Variants in PCDH15 observed in about 807,000 individuals in gnomAD.
PCDH15 encodes protocadherin-15.
A neutral mutation model predicts 178.5 loss-of-function variants in PCDH15; 129 were observed. The observed-to-expected ratio is 0.72, with a 90% CI of 0.63 to 0.84. PCDH15 has a LOEUF of 0.84. PCDH15 is among the 40% of genes least tolerant of loss of function. The pLI is 0.00. For missense variants in PCDH15, 2,230 were observed against 2,099.9 expected (o/e 1.06, Z -1.21); for synonymous variants, 800 against 732.0 (o/e 1.09, Z -1.50).
At chr10:53,828,266 A>G (rs1455482783) in intron 31 of PCDH15, among the ~76,000 whole-genome samples, 1 of 147,062 alleles carries the variant, frequency 6.8e-6, no homozygotes, top group East Asian at 2.0e-4. Context: ...TGTGATTCTC[A>G]TGTTACAGCT....
At chr10:55,421,879 C>T (rs900579633) in intron 2 of PCDH15, among the ~76,000 whole-genome samples, 12 of 151,540 alleles carry the variant, frequency 7.9e-5, no homozygotes, top group Admixed American at 7.2e-4. Context: ...GATTTTCTTC[C>T]TATATGCACA....
chr10:54,242,086 C>G (rs189985432), intron 8 of PCDH15, among the ~76,000 whole-genome samples: 192 of 133,122 alleles, frequency 1.4e-3, no homozygotes, highest in Admixed American at 2.4e-3. Flanking sequence ...CTCATGAAAC[C>G]TCACTACCAG....
intron 2 of PCDH15, among the ~76,000 whole-genome samples, chr10:55,454,376 G>A (rs1395113387): frequency 1.3e-5 from 2 of 151,724 alleles, no homozygotes; most frequent in Non-Finnish European, 2.9e-5. Context: ...CAATTTAAAG[G>A]GGATTACAGT....
intron 2 of PCDH15, among the ~76,000 whole-genome samples, chr10:54,649,435 C>T (rs1009939417): frequency 1.3e-5 from 2 of 152,004 alleles, no homozygotes; most frequent in Non-Finnish European, 2.9e-5. Flanking sequence ...TCCAGAAGAC[C>T]ATGTGTGGAC....
At position 54,527,864 on chromosome 10, in the gene PCDH15, A is replaced by G; in HGVS notation, c.105T>C (p.Ala35=). The change falls in exon 3 of 38, where the codon GCT becomes GCC. Residue 35 remains alanine, a synonymous_variant. Transcript: ENST00000644397. The part of the protein sequence containing the change: ...LGQYDDDCKL[A]RGGPPATIVA... ...CTATGGTAGCTGGTGGTCCTCCCCT[A>G]GCTAGTTTGCAATCTAAAGAGAGAA... The G allele has an allele frequency of 1.9e-6, 3 of 1,612,336 alleles. No homozygotes were observed. The highest frequency in any genetic ancestry group is 2.5e-6 in the Non-Finnish European group (3 of 1,178,644).
At chr10:54,725,565 T>TATATGTATAA (rs71014409) in intron 1 of PCDH15, among the ~76,000 whole-genome samples, 17 of 135,912 alleles carry the variant, frequency 1.3e-4, no homozygotes, top group African/African-American at 4.4e-4. Context: ...TATATATATA[T>TATATGTATAA]AATTGGAAAC....
intron 2 of PCDH15, among the ~76,000 whole-genome samples, chr10:55,449,362 A>G (rs1348595856): frequency 6.6e-6 from 1 of 152,028 alleles, no homozygotes; most frequent in Non-Finnish European, 1.5e-5. Context: ...CAGAAACCTA[A>G]GCTGGACAGA....
At chr10:53,826,780 G>A (rs570472423) in intron 32 of PCDH15, among the ~76,000 whole-genome samples, 2 of 151,996 alleles carry the variant, frequency 1.3e-5, no homozygotes, top group African/African-American at 4.8e-5. Flanking sequence ...GGTAATCACC[G>A]CAGTCTGAGA....
At chr10:54,468,729 A>G (rs187065053) in intron 3 of PCDH15, among the ~76,000 whole-genome samples, 80 of 152,294 alleles carry the variant, frequency 5.3e-4, no homozygotes, top group African/African-American at 1.6e-3. Context: ...GATCTGTCCA[A>G]TGCTGACAAT....
At chr10:55,152,667 A>C (rs1838763919) in intron 2 of PCDH15, among the ~76,000 whole-genome samples, 1 of 152,212 alleles carries the variant, frequency 6.6e-6, no homozygotes, top group Non-Finnish European at 1.5e-5. Flanking sequence ...ATGAGAGATG[A>C]TGAGAACTTG....
At chr10:54,913,737 C>T (rs1954857226) in intron 2 of PCDH15, among the ~76,000 whole-genome samples, 1 of 152,156 alleles carries the variant, frequency 6.6e-6, no homozygotes, top group Admixed American at 6.5e-5. Flanking sequence ...GACAGAGCTG[C>T]CCAATTCCTT....
intron 1 of PCDH15, among the ~76,000 whole-genome samples, chr10:55,295,334 A>G (rs1429958264): frequency 1.3e-5 from 2 of 152,228 alleles, no homozygotes; most frequent in Non-Finnish European, 2.9e-5. Flanking sequence ...CACAGCAAGG[A>G]TTCTTCCTTG....
At chr10:54,265,488 A>T (rs867742465) in intron 8 of PCDH15, among the ~76,000 whole-genome samples, 3,110 of 147,874 alleles carry the variant, frequency 0.021, 95 homozygotes, top group African/African-American at 0.063. Flanking sequence ...ATTGGAATTA[A>T]AAAAAAAAAA....
At chr10:54,055,986 A>G (rs1025266823) in intron 18 of PCDH15, among the ~76,000 whole-genome samples, 1 of 152,190 alleles carries the variant, frequency 6.6e-6, no homozygotes, top group Non-Finnish European at 1.5e-5. Context: ...TTATAATGAG[A>G]CCAGATTCAT....
At chr10:54,402,294 A>T (rs1441033420) in intron 3 of PCDH15, among the ~76,000 whole-genome samples, 1 of 151,996 alleles carries the variant, frequency 6.6e-6, no homozygotes, top group African/African-American at 2.4e-5. Flanking sequence ...GGGAAGAAGA[A>T]GGCAAGATTA....
At chr10:54,752,163 A>G (rs1487393104) in intron 1 of PCDH15, among the ~76,000 whole-genome samples, 1 of 152,100 alleles carries the variant, frequency 6.6e-6, no homozygotes, top group Non-Finnish European at 1.5e-5. Flanking sequence ...TCTAAGGCTA[A>G]CACCATTTTC....
intron 1 of PCDH15, among the ~76,000 whole-genome samples, chr10:54,765,978 A>G (rs1948464008): frequency 6.6e-6 from 1 of 152,268 alleles, no homozygotes; most frequent in South Asian, 2.1e-4. Context: ...ATACTCCATG[A>G]TCTGTTGTCT....
At chr10:55,432,400 T>A (rs1164807755) in intron 2 of PCDH15, among the ~76,000 whole-genome samples, 1 of 152,058 alleles carries the variant, frequency 6.6e-6, no homozygotes, top group Admixed American at 6.6e-5. Flanking sequence ...GGGTTCTGAG[T>A]GGAGGATTGA....
chr10:54,410,900 G>A lies in PCDH15; in HGVS notation c.158-31958C>T, dbSNP rs202143892. On this transcript the variant is annotated intron_variant, in intron 3 of 37. Transcript: ENST00000644397. Reference sequence around the variant, plus strand: ...TGACCGAGCTGGCATTGTTGAATAAGGGGCCCTGATTTGCTGCTCAATAGC... The same window carrying A: ...TGACCGAGCTGGCATTGTTGAATAAAGGGCCCTGATTTGCTGCTCAATAGC... Among the ~76,000 whole-genome samples the A allele has an allele frequency of 6.2e-4, 5 of 8,012 alleles. No homozygotes were observed. In the South Asian group the frequency reaches 0.02, roughly 33 times the overall value. 5.3% of individuals were successfully genotyped at this position (8,012 alleles called of 152,430 possible).
Sources: allele counts gnomAD v4.1 joint callset (sites outside exome capture counted in the v4.1 genomes callset), GRCh38; gene constraint gnomAD v4.1.1; transcripts MANE v1.5; gene names NCBI Gene and HGNC (gene_info 2026-07-23, HGNC 2026-07-21).